RNF169: variants seen among roughly 807,000 people sequenced by gnomAD.
RNF169 encodes the protein E3 ubiquitin-protein ligase RNF169.
Under a neutral mutation model 53.9 loss-of-function variants are expected in RNF169, and 24 were observed. The observed-to-expected ratio is 0.45, with a 90% CI of 0.32 to 0.63. RNF169 has a LOEUF of 0.63. Ranked by LOEUF, RNF169 falls within the 20% of genes least tolerant of loss-of-function variation. The pLI is 0.04. For missense variants in RNF169, 883 were observed against 906.2 expected (o/e 0.97, Z 0.33); for synonymous variants, 396 against 363.5 (o/e 1.09, Z -1.02).
chr11:74,805,905 A>G (rs1453090673), intron 2 of RNF169, among the ~76,000 whole-genome samples: 1 of 152,086 alleles, frequency 6.6e-6, no homozygotes, highest in Non-Finnish European at 1.5e-5. Flanking sequence ...AGACTTAAGT[A>G]TGCATGGATT....
At chr11:74,765,474 A>T (rs1263569968) in intron 1 of RNF169, among the ~76,000 whole-genome samples, 2 of 152,184 alleles carry the variant, frequency 1.3e-5, no homozygotes, top group Non-Finnish European at 2.9e-5. Context: ...ATGTTTGGAA[A>T]TTGAAAAAAA....
chr11:74,840,676 G>A lies in RNF169; in HGVS notation c.*3946G>A, dbSNP rs1359617758. ...GCCTAACTTTTCATTGAAATGTCTAGTAGGAGAGTGAGAAAAGAGAACAAA... is the reference window on the plus strand; with the variant it reads ...GCCTAACTTTTCATTGAAATGTCTAATAGGAGAGTGAGAAAAGAGAACAAA... On this transcript the variant is annotated 3_prime_UTR_variant, in exon 6 of 6. Transcript: ENST00000299563. The A allele has an allele frequency of 2.6e-5, 4 of 151,996 alleles. No homozygotes were observed. The highest frequency in any genetic ancestry group is 9.7e-5 in the African/African-American group (4 of 41,366). 9.4% of individuals were successfully genotyped at this position (151,996 alleles called of 1,614,324 possible).
intron 1 of RNF169, among the ~76,000 whole-genome samples, chr11:74,763,294 C>G (rs2035118987): frequency 1.3e-5 from 2 of 152,092 alleles, no homozygotes; most frequent in South Asian, 4.1e-4. Context: ...ATAAGCCCAA[C>G]TGAAGATGAA....
chr11:74,761,533 C>G, intron 1 of RNF169, among the ~76,000 whole-genome samples: 1 of 151,322 alleles, frequency 6.6e-6, no homozygotes, highest in South Asian at 2.1e-4. Flanking sequence ...TCAGCATTTG[C>G]TTGTCTGTAA....
chr11:74,773,603 A>T (rs1453689960), intron 1 of RNF169, among the ~76,000 whole-genome samples: 1 of 152,164 alleles, frequency 6.6e-6, no homozygotes, highest in Non-Finnish European at 1.5e-5. Context: ...TATTTTTCTG[A>T]TGAGGTCAGA....
rs188324109 is a variant in RNF169, at chr11:74,803,296, A to G, written c.577-6888A>G. On this transcript the variant is annotated intron_variant, in intron 2 of 5. Coordinates refer to ENST00000299563, the MANE Select transcript of RNF169 (RefSeq NM_001098638.2). ...GAGACGGGGTTTCACCGTGTTAGCC[A>G]GGATGATCTCGATCTCCTGACCTAG... Among the ~76,000 whole-genome samples the G allele has an allele frequency of 2.4e-4, 36 of 152,266 alleles. 1 individual carries two copies. In the East Asian group the frequency reaches 5.0e-3, roughly 21 times the overall value.
At chr11:74,824,742 A>G (rs2036067934) in intron 4 of RNF169, among the ~76,000 whole-genome samples, 1 of 152,236 alleles carries the variant, frequency 6.6e-6, no homozygotes, top group South Asian at 2.1e-4. Flanking sequence ...TGCTTGATAC[A>G]GGGTTGCCAT....
At chr11:74,808,800 C>T (rs1412582235) in intron 2 of RNF169, among the ~76,000 whole-genome samples, 2 of 152,196 alleles carry the variant, frequency 1.3e-5, no homozygotes, top group African/African-American at 4.8e-5. Context: ...CTAAAATCTT[C>T]AGAAGACCTT....
At chr11:74,768,110 T>A (rs547497630) in intron 1 of RNF169, among the ~76,000 whole-genome samples, 38 of 152,318 alleles carry the variant, frequency 2.5e-4, no homozygotes, top group Non-Finnish European at 4.7e-4. Flanking sequence ...CCATGTTAAT[T>A]AAGACAGTGA....
At chr11:74,780,054 A>G (rs956217729) in intron 1 of RNF169, among the ~76,000 whole-genome samples, 4 of 152,206 alleles carry the variant, frequency 2.6e-5, no homozygotes, top group African/African-American at 7.2e-5. Flanking sequence ...TTTCATTGTA[A>G]AAGATGTGCT....
chr11:74,833,911 C>A (rs2036214110), intron 4 of RNF169, among the ~76,000 whole-genome samples: 1 of 152,076 alleles, frequency 6.6e-6, no homozygotes, highest in Admixed American at 6.6e-5. Flanking sequence ...AACTTCACAC[C>A]ATTTTGAGTT....
chr11:74,792,341 T>G (rs2035590701), intron 2 of RNF169, among the ~76,000 whole-genome samples: 1 of 152,174 alleles, frequency 6.6e-6, no homozygotes, highest in South Asian at 2.1e-4. Flanking sequence ...GAAGGTAATC[T>G]TAGAGAAAAC....
In RNF169 at chr11:74,839,007, A is replaced by G. The variant is rs2036299532; in HGVS notation, c.*2277A>G. The stretch of plus-strand genomic sequence containing the variant: ...TGATTTTTGTCTTTGGTAAAAAGAA[A>G]TATTTTTAATAGATAAAAGATATAT... On this transcript the variant is annotated 3_prime_UTR_variant, in exon 6 of 6. Coordinates refer to ENST00000299563, the MANE Select transcript of RNF169 (RefSeq NM_001098638.2). 2 of 152,238 alleles carry G rather than the reference A, an allele frequency of 1.3e-5. No homozygotes were observed. The highest frequency in any genetic ancestry group is 1.3e-4 in the Admixed American group (2 of 15,282). 9.4% of individuals were successfully genotyped at this position (152,238 alleles called of 1,614,324 possible).
At chr11:74,809,375 C>T (rs1319365713) in intron 2 of RNF169, among the ~76,000 whole-genome samples, 1 of 152,174 alleles carries the variant, frequency 6.6e-6, no homozygotes, top group Non-Finnish European at 1.5e-5. Flanking sequence ...CTCATTTACT[C>T]CTGCAGGTTA....
At chr11:74,776,353 T>TTATAA (rs1333081977) in intron 1 of RNF169, among the ~76,000 whole-genome samples, 1 of 152,014 alleles carries the variant, frequency 6.6e-6, no homozygotes, top group Non-Finnish European at 1.5e-5. Context: ...TTGGACTCTA[T>TTATAA]TAAAGTTGAT....
chr11:74,809,512 A>G (rs2035846767), intron 2 of RNF169, among the ~76,000 whole-genome samples: 1 of 152,188 alleles, frequency 6.6e-6, no homozygotes, highest in Non-Finnish European at 1.5e-5. Context: ...TAAAGAGCAT[A>G]TCTCTCTGCC....
chr11:74,793,529 C>T (rs1180401988), intron 2 of RNF169, among the ~76,000 whole-genome samples: 1 of 151,960 alleles, frequency 6.6e-6, no homozygotes, highest in African/African-American at 2.4e-5. Context: ...TTTAAAAATC[C>T]TAGATTCTAT....
intron 4 of RNF169, among the ~76,000 whole-genome samples, chr11:74,823,267 A>G (rs2036042195): frequency 6.6e-6 from 1 of 152,110 alleles, no homozygotes; most frequent in South Asian, 2.1e-4. Flanking sequence ...AATATATCTC[A>G]CTATTTCTTA....
At chr11:74,785,035 T>G (rs552181354) in intron 1 of RNF169, among the ~76,000 whole-genome samples, 38 of 151,638 alleles carry the variant, frequency 2.5e-4, no homozygotes, top group African/African-American at 8.5e-4. Context: ...TCTTCATTGG[T>G]TACTACTACT....
Sources: gnomAD v4.1 joint callset for allele counts (sites outside exome capture counted in the v4.1 genomes callset) on GRCh38, gnomAD v4.1.1 for gene constraint, MANE v1.5 for transcripts, NCBI Gene and HGNC (gene_info 2026-07-23, HGNC 2026-07-21) for gene names.